MYH8: variants seen among roughly 807,000 people sequenced by gnomAD.
The protein encoded by MYH8 is myosin-8.
In MYH8, 168 loss-of-function variants were observed where a neutral mutation model predicts 233.2. The observed-to-expected ratio is 0.72, with a 90% CI of 0.64 to 0.82. The LOEUF is 0.82. Among genes scored for constraint, MYH8 ranks in the 40% least tolerant of loss-of-function variants. The pLI is 0.00. For synonymous variants in MYH8, 785 were observed against 850.6 expected (o/e 0.92, Z 1.34); for missense variants, 1,995 against 2,327.8 (o/e 0.86, Z 2.94).
chr17:10,406,861 C>T (rs2072199040), intron 18 of MYH8, 31 bp downstream of exon 18: 1 of 1,611,512 alleles, frequency 6.2e-7, no homozygotes, highest in African/African-American at 1.3e-5. Flanking sequence ...AAACCTGTGC[C>T]CGTTTGATTA....
chr17:10,409,231 A>G (rs770898678), intron 16 of MYH8, 48 bp downstream of exon 16: 2 of 1,613,658 alleles, frequency 1.2e-6, no homozygotes, highest in Non-Finnish European at 1.7e-6. Flanking sequence ...ATGTATTATA[A>G]CATTATGTGA....
In MYH8 at chr17:10,401,851, C is replaced by A; in HGVS notation, c.2689-66G>T. The A allele has an allele frequency of 3.8e-6, 6 of 1,595,138 alleles. 1 individual carries two copies. In the Middle Eastern group the frequency reaches 8.3e-4, roughly 221 times the overall value. Reference sequence around the variant, plus strand: ...ATTTTGAAACTTGGTGTTTTTTTTGCGCAAAAATAATAGTGTTTTATTGAA... The same window carrying A: ...ATTTTGAAACTTGGTGTTTTTTTTGAGCAAAAATAATAGTGTTTTATTGAA... On this transcript the variant is annotated intron_variant, in intron 22 of 39. Transcript: ENST00000403437.
Position 10,406,029 on chromosome 17 carries a change from A to C in MYH8, c.2432+12T>G. On this transcript the variant is annotated intron_variant, in intron 21 of 39. Coordinates refer to ENST00000403437, the MANE Select transcript of MYH8 (RefSeq NM_002472.3). ...GGGACCTTATAATTCTGATATTCTG[A>C]ATGATTGTTACCTCCTTTGCAACAT... 1 of 1,613,332 alleles carries C rather than the reference A, an allele frequency of 6.2e-7. No homozygotes were observed. Among genetic ancestry groups the C allele is most frequent in the East Asian group, 2.2e-5 (1 of 44,874 alleles).
chr17:10,416,235 A>G (rs1029453438), intron 5 of MYH8, among the ~76,000 whole-genome samples: 3 of 152,122 alleles, frequency 2.0e-5, no homozygotes, highest in Admixed American at 2.0e-4. Flanking sequence ...GGCTTATTTC[A>G]CTCAGCATGG....
At chr17:10,406,832 T>C (rs1377774835) in intron 18 of MYH8, 25 bp from the exon 19 acceptor site, 2 of 1,613,192 alleles carry the variant, frequency 1.2e-6, no homozygotes, top group Non-Finnish European at 1.7e-6. Context: ...CAGTACTTAT[T>C]AGTGGGCATT....
Position 10,415,801 on chromosome 17 carries a change from A to G in MYH8, c.512-93T>C. The G allele has an allele frequency of 7.0e-7, 1 of 1,419,638 alleles. No homozygotes were observed. Among genetic ancestry groups the G allele is most frequent in the Non-Finnish European group, 9.7e-7 (1 of 1,028,816 alleles). 87.9% of individuals were successfully genotyped at this position (1,419,638 alleles called of 1,614,324 possible). ...AGATCAAACACAGCTTGTTCTTTTT[A>G]ACTTTTTGAAGATGTCACCTTTGGT... On this transcript the variant is annotated intron_variant, in intron 5 of 39. Transcript: ENST00000403437. The surrounding 1 kb of genome is among the most constrained non-coding windows in gnomAD (Gnocchi z 4.1).
rs775820322 is a variant in MYH8 at position 10,395,287 on chromosome 17, G to A, written c.4808C>T (p.Thr1603Met). The A allele has an allele frequency of 1.7e-5, 28 of 1,613,956 alleles. No homozygotes were observed. In the Admixed American group the frequency reaches 2.7e-4, roughly 15 times the overall value. ...TCTGCTTCTAATCTCTGCATCCAGC[G>A]TGCTCTGCATTGTCTCCACGACTCT... ...HTRVVETMQS[T>M]LDAEIRSRND... is the part of the protein sequence containing the mutation. The change falls in exon 34 of 40, where the codon ACG (threonine) becomes ATG (methionine). Residue 1603 changes from threonine to methionine, a missense_variant. By Grantham distance (81) the Thr-to-Met change is moderately conservative. Coordinates refer to ENST00000403437, the MANE Select transcript of MYH8 (RefSeq NM_002472.3).
rs1322030571 is a variant in MYH8, at chr17:10,409,129, AG to A, written c.1932del (p.Ser645LeufsTer14). The A allele has an allele frequency of 6.2e-7, 1 of 1,614,232 alleles. No homozygotes were observed. The highest frequency in any genetic ancestry group is 8.5e-7 in the Non-Finnish European group (1 of 1,180,028). ...AGGGCAGACACAGTCTGGAAAGAAG[AG>A]CCCTTTTTCTTAGCACCTTTCTTCG... ...SSAKKGAKKK[G>X]SSFQTVSALF... is the part of the protein sequence containing the mutation. On this transcript the variant is annotated frameshift_variant, in exon 17 of 40. Transcript: ENST00000403437. LOFTEE classifies it high-confidence loss of function.
chr17:10,395,525 T>C (rs2072071327), intron 33 of MYH8, 84 bp from the exon 34 acceptor site: 1 of 1,363,194 alleles, frequency 7.3e-7, no homozygotes, highest in Non-Finnish European at 1.0e-6. Flanking sequence ...CTCTTGTCAA[T>C]ATCAGTTTGT....
At chr17:10,394,505 T>A (rs986169348) in intron 34 of MYH8, 53 bp from the exon 35 acceptor site, 4 of 1,588,508 alleles carry the variant, frequency 2.5e-6, no homozygotes, top group African/African-American at 2.7e-5. Context: ...GATTTGAAGA[T>A]CCCAGGAGAT....
rs752420570 is a variant in MYH8, at chr17:10,418,773, A to C, written c.383T>G (p.Val128Gly). Residue 128 changes from valine to glycine, a missense_variant, in exon 5 of 40, where the codon GTC becomes GGC. By Grantham distance (109) the Val-to-Gly change is moderately radical (BLOSUM62 -3). Transcript: ENST00000403437. Reference protein sequence around the residue: ...YTYSGLFCVTVNPYKWLPVYK... With the variant: ...YTYSGLFCVTGNPYKWLPVYK... ...CACCGGCAGCCACTTGTAGGGGTTGACGGTGACACAGAAGAGGCCTGAGTA... is the reference window on the plus strand; with the variant it reads ...CACCGGCAGCCACTTGTAGGGGTTGCCGGTGACACAGAAGAGGCCTGAGTA... 1.2e-6 allele frequency: 2 copies of C among 1,613,830 alleles called. No individual in the cohort carries two copies. The highest frequency in any genetic ancestry group is 1.7e-6 in the Non-Finnish European group (2 of 1,179,764).
rs150065728 is a variant in MYH8, at chr17:10,417,031, C to A, written c.512-1323G>T. Among the ~76,000 whole-genome samples the A allele has an allele frequency of 2.3e-3, 345 of 152,260 alleles. No homozygotes were observed. The highest frequency in any genetic ancestry group is 7.8e-3 in the African/African-American group (323 of 41,540). ...GTTAAGGTCAAATATATCCTCCTGG[C>A]CTCTTCCCAGCTTTTGATGTCACTA... On this transcript the variant is annotated intron_variant, in intron 5 of 39. Transcript: ENST00000403437. The surrounding 1 kb of genome is among the most constrained non-coding windows in gnomAD (Gnocchi z 4.1).
rs531956134 is a variant in MYH8 at position 10,398,369 on chromosome 17, T to C, written c.4178+75A>G. 2.5e-4 allele frequency: 404 copies of C among 1,607,868 alleles called. 2 individuals are homozygous for C. The African/African-American group carries it at 4.7e-3, about 19-fold the overall frequency. ...GCACTCAATAAATGTTAGCTTTTGC[T>C]ATTGTTATGTTATCATCATCATAAA... On this transcript the variant is annotated intron_variant, in intron 30 of 39. Coordinates refer to ENST00000403437, the MANE Select transcript of MYH8 (RefSeq NM_002472.3).
rs770966811 is a variant in MYH8, at chr17:10,395,126, C to T, written c.4962+7G>A. ...TTCATCTGGGAGGCGAATGTGGACC[C>T]GTTTACCTTCAGGATTCCTTGGGTG... On this transcript the variant is annotated splice_region_variant and intron_variant, in intron 34 of 39. Coordinates refer to ENST00000403437, the MANE Select transcript of MYH8 (RefSeq NM_002472.3). 1.2e-5 allele frequency: 19 copies of T among 1,612,648 alleles called. No individual in the cohort carries two copies. Among genetic ancestry groups the T allele is most frequent in the East Asian group, 8.9e-5 (4 of 44,900 alleles).
chr17:10,420,584 C>T (rs767636247), intron 2 of MYH8, among the ~76,000 whole-genome samples: 3 of 152,134 alleles, frequency 2.0e-5, no homozygotes, highest in Non-Finnish European at 4.4e-5. Context: ...ATTTAATTTC[C>T]TCTCCTCTTT....
chr17:10,407,771 A>G (rs997599618), intron 17 of MYH8, among the ~76,000 whole-genome samples: 8 of 151,722 alleles, frequency 5.3e-5, no homozygotes, highest in African/African-American at 1.9e-4. Flanking sequence ...ACCAGGAGGC[A>G]GAGTTTGCAG....
In MYH8 at chr17:10,401,530, A is replaced by C; in HGVS notation, c.2931+13T>G. ...CAGAACCTCTATACAGTATTGTAAAATATGACTGATACCTTGTTCTCCGTG... is the reference window on the plus strand; with the variant it reads ...CAGAACCTCTATACAGTATTGTAAACTATGACTGATACCTTGTTCTCCGTG... On this transcript the variant is annotated intron_variant, in intron 23 of 39. Coordinates refer to ENST00000403437, the MANE Select transcript of MYH8 (RefSeq NM_002472.3). 1 of 1,614,222 alleles carries C rather than the reference A, an allele frequency of 6.2e-7. No homozygotes were observed.
At chr17:10,402,064 G>A (rs929653951) in intron 22 of MYH8, among the ~76,000 whole-genome samples, 9 of 152,014 alleles carry the variant, frequency 5.9e-5, no homozygotes, top group Non-Finnish European at 8.8e-5. Flanking sequence ...CCTCTAAATC[G>A]GGCAAAAGGA....
At position 10,419,577 on chromosome 17, in the gene MYH8, A is replaced by G. The variant is rs1343676129; in HGVS notation, c.210+441T>C. Among the ~76,000 whole-genome samples the G allele has an allele frequency of 6.6e-6, 1 of 152,166 alleles. No homozygotes were observed. Among genetic ancestry groups the G allele is most frequent in the Non-Finnish European group, 1.5e-5 (1 of 68,018 alleles). The stretch of plus-strand genomic sequence containing the variant: ...AGATTTTTTCCTCCCACATTCTCTT[A>G]TCCCAGATTTATCAGTTTATATCCT... On this transcript the variant is annotated intron_variant, in intron 3 of 39. Coordinates refer to ENST00000403437, the MANE Select transcript of MYH8 (RefSeq NM_002472.3). This position sits in a 1 kb window ranked among gnomAD's most constrained non-coding sequence, Gnocchi z 4.0.
Sources: gnomAD v4.1 joint callset for allele counts (sites outside exome capture counted in the v4.1 genomes callset) on GRCh38, gnomAD v4.1.1 for gene constraint, Gnocchi (gnomAD v3.1) non-coding constraint, MANE v1.5 for transcripts, NCBI Gene and HGNC (gene_info 2026-07-23, HGNC 2026-07-21) for gene names.